The following OCA2 variants were observed in gnomAD, a reference collection of about 807,000 sequenced individuals.
OCA2 encodes P protein.
In OCA2, 77 loss-of-function variants were observed where a neutral mutation model predicts 100.2. The observed-to-expected ratio is 0.77, with a 90% CI of 0.64 to 0.93. The LOEUF is 0.93. Among genes scored for constraint, OCA2 ranks in the 40% least tolerant of loss-of-function variants. OCA2 has a pLI of 0.00. For missense variants in OCA2, 1,062 were observed against 1,089.1 expected, an observed-to-expected ratio of 0.98 and a Z score of 0.35; for synonymous variants, 432 against 439.2, an observed-to-expected ratio of 0.98 and a Z score of 0.21.
At chr15:27,802,629 T>C (rs191091754) in intron 23 of OCA2, among the ~76,000 whole-genome samples, 1 of 152,244 alleles carries the variant, frequency 6.6e-6, no homozygotes, top group Admixed American at 6.5e-5. Context: ...CTCACATACA[T>C]AACTAATTCT....
chr15:28,007,784 A>G (rs2042130755), intron 9 of OCA2, among the ~76,000 whole-genome samples: 2 of 152,210 alleles, frequency 1.3e-5, no homozygotes. Flanking sequence ...CAGGCAAGAA[A>G]GTGCCAATCA....
At chr15:28,023,058 A>G (rs1393716934) in intron 5 of OCA2, among the ~76,000 whole-genome samples, 5 of 152,100 alleles carry the variant, frequency 3.3e-5, no homozygotes, top group Non-Finnish European at 7.4e-5. Flanking sequence ...CATCTCACAG[A>G]AGAAGGCTGA....
At chr15:27,798,249 C>T (rs1323437337) in intron 23 of OCA2, among the ~76,000 whole-genome samples, 1 of 152,140 alleles carries the variant, frequency 6.6e-6, no homozygotes, top group Non-Finnish European at 1.5e-5. Context: ...CTTCTTGGCT[C>T]ACAGGAGGCT....
intron 21 of OCA2, among the ~76,000 whole-genome samples, chr15:27,866,342 C>T (rs1263432804): frequency 1.3e-5 from 2 of 152,142 alleles, no homozygotes; most frequent in Non-Finnish European, 2.9e-5. Context: ...GGGTGTGTCT[C>T]GAGTGGCAGG....
chr15:27,919,203 C>A (rs1433388165), intron 19 of OCA2, among the ~76,000 whole-genome samples: 1 of 152,074 alleles, frequency 6.6e-6, no homozygotes, highest in African/African-American at 2.4e-5. Flanking sequence ...GGAATATATG[C>A]TGAGGACTTC....
chr15:28,058,717 A>G (rs16950844), intron 2 of OCA2, among the ~76,000 whole-genome samples: 2,159 of 152,354 alleles, frequency 0.014, 44 homozygotes, highest in African/African-American at 0.049. Context: ...CCAGGTGACC[A>G]AAACACTTAA....
At chr15:27,935,148 A>G (rs1279677844) in intron 18 of OCA2, among the ~76,000 whole-genome samples, 1 of 152,238 alleles carries the variant, frequency 6.6e-6, no homozygotes, top group African/African-American at 2.4e-5. Context: ...TTCACATTCT[A>G]TTACAAATTC....
chr15:27,736,455 C>A, the OCA2 span, among the ~76,000 whole-genome samples: 2 of 152,106 alleles, frequency 1.3e-5, no homozygotes, highest in Non-Finnish European at 2.9e-5. Flanking sequence ...GGACACAGAG[C>A]AGAATGGAGT....
the OCA2 span, among the ~76,000 whole-genome samples, chr15:27,742,674 G>A: frequency 6.6e-6 from 1 of 152,186 alleles, no homozygotes; most frequent in Non-Finnish European, 1.5e-5. Flanking sequence ...AGAACAGCTT[G>A]AACCTAACCG....
chr15:27,923,779 C>T (rs972485521), intron 19 of OCA2, among the ~76,000 whole-genome samples: 11 of 152,138 alleles, frequency 7.2e-5, no homozygotes, highest in African/African-American at 2.7e-4. Context: ...GTCAGAGATG[C>T]ATAATTTGCT....
Position 28,081,855 on chromosome 15 carries a change from T to C in OCA2, c.20A>G (p.Asp7Gly). 1 of 1,611,198 alleles carries C rather than the reference T, an allele frequency of 6.2e-7. No individual in the cohort carries two copies. The highest frequency in any genetic ancestry group is 8.5e-7 in the Non-Finnish European group (1 of 1,179,676). MHLEGR[D>G]GRRYPGAPAV... The stretch of plus-strand genomic sequence containing the variant: ...CGGCGCGCCGGGGTACCGCCTGCCG[T>C]CTCTGCCCTCCAGATGCATGCTCCA... Residue 7 changes from aspartate to glycine, a missense_variant, in exon 2 of 24, where the codon GAC (aspartate) becomes GGC (glycine). Asp to Gly is a moderately conservative substitution (Grantham distance 94). Coordinates refer to ENST00000354638, the MANE Select transcript of OCA2 (RefSeq NM_000275.3).
chr15:28,073,379 A>C (rs543480987), intron 2 of OCA2, among the ~76,000 whole-genome samples: 1 of 152,324 alleles, frequency 6.6e-6, no homozygotes, highest in South Asian at 2.1e-4. Flanking sequence ...GCACCACTGC[A>C]CTCCAACCTG....
chr15:27,742,950 C>A, the OCA2 span, among the ~76,000 whole-genome samples: 43,424 of 152,172 alleles, frequency 0.29, 8,126 homozygotes, highest in Non-Finnish European at 0.43. Flanking sequence ...CTGTACACAC[C>A]TCAGGAGGCT....
At chr15:28,023,987 CAGG>C (rs1240682362) in intron 5 of OCA2, among the ~76,000 whole-genome samples, 1 of 152,192 alleles carries the variant, frequency 6.6e-6, no homozygotes, top group African/African-American at 2.4e-5. Flanking sequence ...CACAACCAGA[CAGG>C]AGACCACACA....
chr15:27,870,699 AGAAG>A (rs71132825), intron 21 of OCA2, among the ~76,000 whole-genome samples: 34 of 18,474 alleles, frequency 1.8e-3, no homozygotes, highest in Admixed American at 0.012. Flanking sequence ...AAGGAAGGAA[AGAAG>A]GAAGGAAGGA....
At chr15:27,875,972 A>C (rs1178129232) in intron 19 of OCA2, among the ~76,000 whole-genome samples, 2 of 152,046 alleles carry the variant, frequency 1.3e-5, no homozygotes, top group East Asian at 3.8e-4. Context: ...AAACAAGAAC[A>C]GTTTTACTTC....
intron 19 of OCA2, among the ~76,000 whole-genome samples, chr15:27,894,492 C>G (rs1321550649): frequency 6.6e-6 from 1 of 152,200 alleles, no homozygotes; most frequent in African/African-American, 2.4e-5. Context: ...AAAAGAAGGA[C>G]AGAAACCTGA....
At chr15:28,063,553 T>C (rs185337890) in intron 2 of OCA2, among the ~76,000 whole-genome samples, 1 of 152,280 alleles carries the variant, frequency 6.6e-6, no homozygotes, top group Admixed American at 6.5e-5. Flanking sequence ...GATTCCTTTC[T>C]TCTTTTTTTA....
intron 23 of OCA2, among the ~76,000 whole-genome samples, chr15:27,778,224 A>G (rs1046195474): frequency 1.3e-5 from 2 of 152,234 alleles, no homozygotes; most frequent in African/African-American, 4.8e-5. Flanking sequence ...TGAAACCACG[A>G]AAGTCTAGTG....
Sources: allele counts gnomAD v4.1 joint callset (sites outside exome capture counted in the v4.1 genomes callset), GRCh38; gene constraint gnomAD v4.1.1; transcripts MANE v1.5; gene names NCBI Gene and HGNC (gene_info 2026-07-23, HGNC 2026-07-21).